The following MSI2 variants were observed in gnomAD, a reference collection of about 807,000 sequenced individuals.
MSI2 encodes musashi RNA binding protein 2.
Under a neutral mutation model 45.6 loss-of-function variants are expected in MSI2, and 17 were observed. That is an observed-to-expected ratio of 0.37 (90% CI 0.26 to 0.56). The LOEUF (loss-of-function observed/expected upper bound fraction) is 0.56, where lower values mean the gene tolerates loss of function less well. MSI2 is among the 20% of genes least tolerant of loss of function. The pLI, the probability that MSI2 is intolerant of heterozygous loss-of-function variation, is 0.77. For synonymous variants in MSI2, 156 were observed against 158.2 expected, an observed-to-expected ratio of 0.99 and a Z score of 0.11; for missense variants, 293 against 444.2, an observed-to-expected ratio of 0.66 and a Z score of 3.06.
intron 5 of MSI2, among the ~76,000 whole-genome samples, chr17:57,374,475 C>T (rs921034305): frequency 6.6e-6 from 1 of 152,126 alleles, no homozygotes; most frequent in African/African-American, 2.4e-5. Context: ...CCCTCAAAAT[C>T]CAAAATTTAA....
chr17:57,297,874 A>G (rs1233323644), intron 5 of MSI2, among the ~76,000 whole-genome samples: 2 of 152,148 alleles, frequency 1.3e-5, no homozygotes, highest in African/African-American at 2.4e-5. Flanking sequence ...TCATCATTCA[A>G]GTTTTATCAT....
At chr17:57,647,143 T>G (rs1372771226) in intron 10 of MSI2, among the ~76,000 whole-genome samples, 1 of 151,794 alleles carries the variant, frequency 6.6e-6, no homozygotes, top group Non-Finnish European at 1.5e-5. Context: ...CAATAAGAAA[T>G]TCAGGCCAGG....
At chr17:57,575,182 C>T (rs979739807) in intron 7 of MSI2, among the ~76,000 whole-genome samples, 2 of 143,564 alleles carry the variant, frequency 1.4e-5, no homozygotes, top group African/African-American at 2.6e-5. Flanking sequence ...GGAGCAGATC[C>T]CTGTTCTGGC....
At chr17:57,585,267 A>T (rs754090004) in intron 7 of MSI2, among the ~76,000 whole-genome samples, 65 of 152,234 alleles carry the variant, frequency 4.3e-4, no homozygotes, top group Non-Finnish European at 8.4e-4. Context: ...AGTGGATTTT[A>T]ACAAGTGAGG....
At chr17:57,699,180 AGAGTGT>A in the MSI2 span, among the ~76,000 whole-genome samples, 8 of 12,406 alleles carry the variant, frequency 6.4e-4, 1 homozygote, top group African/African-American at 1.1e-3. Flanking sequence ...AGAGAGAGAG[AGAGTGT>A]GTGTGTGTGT....
At position 57,256,526 on chromosome 17, in the gene MSI2, C is replaced by T; in HGVS notation, c.-217C>T. The T allele has an allele frequency of 4.1e-6, 1 of 245,314 alleles. No homozygotes were observed. The highest frequency in any genetic ancestry group is 6.5e-5 in the Admixed American group (1 of 15,348). The allele number at this position is 245,314 out of a possible 1,614,324, so 15.2% of individuals were successfully genotyped here. A position where few individuals can be genotyped will look rare whatever the true frequency, so the allele number is the denominator to read the frequency against. ...GGGGGGGCGGGGACGGGGGGGTGTGCGAGGCAGCGGGGCTGAGCTAAGCCG... is the reference window on the plus strand; with the variant it reads ...GGGGGGGCGGGGACGGGGGGGTGTGTGAGGCAGCGGGGCTGAGCTAAGCCG... On this transcript the variant is annotated 5_prime_UTR_variant, in exon 1 of 14. Coordinates refer to ENST00000284073, the MANE Select transcript of MSI2 (RefSeq NM_138962.4).
chr17:57,281,705 A>C (rs957333939), intron 5 of MSI2, among the ~76,000 whole-genome samples: 1 of 152,124 alleles, frequency 6.6e-6, no homozygotes, highest in Admixed American at 6.5e-5. Context: ...CTGCTTTTAC[A>C]TGTGAGAGGT....
At chr17:57,536,536 C>T (rs912610241) in intron 7 of MSI2, among the ~76,000 whole-genome samples, 2 of 152,132 alleles carry the variant, frequency 1.3e-5, no homozygotes, top group African/African-American at 2.4e-5. Context: ...GGCATTTTAC[C>T]GGTAGTATTT....
rs531062358 is a variant in MSI2, at chr17:57,439,367, G to C, written c.405+37896G>C. 1.6e-3 allele frequency among the ~76,000 whole-genome samples: 248 copies of C among 152,246 alleles called. 1 individual carries two copies. The highest frequency in any genetic ancestry group is 5.6e-3 in the African/African-American group (232 of 41,550). ...TCAAACTATGGCCTCACCTGATTTA[G>C]AGGACGAGGAGGACTCTGCAGAAAG... On this transcript the variant is annotated intron_variant, in intron 6 of 13. Coordinates refer to ENST00000284073, the MANE Select transcript of MSI2 (RefSeq NM_138962.4).
intron 6 of MSI2, among the ~76,000 whole-genome samples, chr17:57,474,084 GGAACTCTCACGC>G (rs2085491452): frequency 6.6e-6 from 1 of 152,138 alleles, no homozygotes; most frequent in Non-Finnish European, 1.5e-5. Context: ...AGGGGATATA[GGAACTCTCACGC>G]GAAGTTGGGG....
At chr17:57,563,112 A>C (rs959543194) in intron 7 of MSI2, among the ~76,000 whole-genome samples, 2 of 151,706 alleles carry the variant, frequency 1.3e-5, no homozygotes, top group East Asian at 1.9e-4. Flanking sequence ...AAAAAAAAAA[A>C]AAAAAAAAAC....
the MSI2 span, among the ~76,000 whole-genome samples, chr17:57,691,581 C>T: frequency 6.6e-6 from 1 of 152,240 alleles, no homozygotes; most frequent in Non-Finnish European, 1.5e-5. Flanking sequence ...ATTTGTTGGA[C>T]ATAATTCATG....
At chr17:57,289,121 A>C (rs1343954808) in intron 5 of MSI2, among the ~76,000 whole-genome samples, 1 of 152,230 alleles carries the variant, frequency 6.6e-6, no homozygotes, top group Non-Finnish European at 1.5e-5. Context: ...AAGAGCAGGA[A>C]AGTGCCTGGA....
chr17:57,666,693 C>T (rs1912393271), intron 11 of MSI2, among the ~76,000 whole-genome samples: 2 of 152,192 alleles, frequency 1.3e-5, no homozygotes, highest in Non-Finnish European at 2.9e-5. Context: ...GCAGTGAGTG[C>T]AATCACTTAT....
intron 11 of MSI2, among the ~76,000 whole-genome samples, chr17:57,657,602 T>A (rs1414102570): frequency 1.3e-5 from 2 of 152,198 alleles, no homozygotes; most frequent in African/African-American, 2.4e-5. Context: ...ATAGTTTAAC[T>A]TGAACCAGAA....
chr17:57,500,706 C>G (rs2086085763), intron 6 of MSI2, among the ~76,000 whole-genome samples: 1 of 150,264 alleles, frequency 6.7e-6, no homozygotes, highest in South Asian at 2.1e-4. Flanking sequence ...GGTGTGGTGG[C>G]TCACACCTGT....
intron 5 of MSI2, among the ~76,000 whole-genome samples, chr17:57,331,123 A>G (rs887686029): frequency 5.3e-5 from 8 of 152,116 alleles, no homozygotes; most frequent in African/African-American, 1.9e-4. Context: ...CACGTTGGCC[A>G]GGCTGGTCTC....
chr17:57,457,491 T>G (rs79157638), intron 6 of MSI2, among the ~76,000 whole-genome samples: 94 of 152,358 alleles, frequency 6.2e-4, no homozygotes, highest in African/African-American at 2.2e-3. Flanking sequence ...GAACTTATTT[T>G]AAGGAGACTA....
intron 5 of MSI2, among the ~76,000 whole-genome samples, chr17:57,399,389 A>G (rs1426669206): frequency 2.6e-5 from 4 of 152,226 alleles, no homozygotes; most frequent in African/African-American, 9.6e-5. Context: ...ATGTCCTCTT[A>G]AAACACTGTG....
Sources: allele counts gnomAD v4.1 joint callset (sites outside exome capture counted in the v4.1 genomes callset), GRCh38; gene constraint gnomAD v4.1.1; transcripts MANE v1.5; gene names NCBI Gene and HGNC (gene_info 2026-07-23, HGNC 2026-07-21).